Variants in NCEH1 observed in about 807,000 individuals in gnomAD.
NCEH1 encodes the protein neutral cholesterol ester hydrolase 1.
NCEH1 carries 9 observed loss-of-function variants against 25.4 expected under a neutral mutation model. The observed-to-expected ratio is 0.35, with a 90% CI of 0.21 to 0.62. The LOEUF is 0.62. Ranked by LOEUF, NCEH1 falls within the 20% of genes least tolerant of loss-of-function variation. The pLI is 0.72. For missense variants in NCEH1, 412 were observed against 501.1 expected, an observed-to-expected ratio of 0.82 and a Z score of 1.70; for synonymous variants, 200 against 199.8, an observed-to-expected ratio of 1.00 and a Z score of -0.01.
At chr3:172,698,566 A>G (rs73042879) in intron 1 of NCEH1, among the ~76,000 whole-genome samples, 2,978 of 152,290 alleles carry the variant, frequency 0.02, 91 homozygotes, top group African/African-American at 0.067. Flanking sequence ...GGGTCTCTCA[A>G]TCTCTCATGG....
At chr3:172,651,991 C>T (rs529156884) in intron 1 of NCEH1, among the ~76,000 whole-genome samples, 160 of 152,214 alleles carry the variant, frequency 1.1e-3, no homozygotes, top group African/African-American at 3.6e-3. Flanking sequence ...GAAATGAGGG[C>T]TGTATAGATA....
intron 1 of NCEH1, among the ~76,000 whole-genome samples, chr3:172,689,693 C>T (rs1712919665): frequency 6.7e-6 from 1 of 148,528 alleles, no homozygotes; most frequent in Non-Finnish European, 1.5e-5. Flanking sequence ...CCTGGAGTGA[C>T]AGCCTGGGTG....
chr3:172,662,408 G>T (rs1718011817), intron 1 of NCEH1, among the ~76,000 whole-genome samples: 1 of 152,188 alleles, frequency 6.6e-6, no homozygotes, highest in African/African-American at 2.4e-5. Flanking sequence ...ATGTTCATCA[G>T]GGACATTGGC....
intron 1 of NCEH1, among the ~76,000 whole-genome samples, chr3:172,659,308 C>T (rs1717856996): frequency 6.6e-6 from 1 of 151,998 alleles, no homozygotes; most frequent in South Asian, 2.1e-4. Flanking sequence ...GGCAGATTAA[C>T]AAGCAAGTAT....
intron 1 of NCEH1, among the ~76,000 whole-genome samples, chr3:172,690,654 T>C (rs1712982579): frequency 6.6e-6 from 1 of 152,136 alleles, no homozygotes; most frequent in African/African-American, 2.4e-5. Flanking sequence ...AACTAAACAG[T>C]CTAAATTTTT....
At chr3:172,700,753 G>A (rs894755294) in intron 1 of NCEH1, among the ~76,000 whole-genome samples, 1 of 152,030 alleles carries the variant, frequency 6.6e-6, no homozygotes, top group African/African-American at 2.4e-5. Context: ...TTACATGTGT[G>A]AGCCACCGTG....
intron 1 of NCEH1, among the ~76,000 whole-genome samples, chr3:172,663,443 T>C (rs964197577): frequency 3.3e-5 from 5 of 152,216 alleles, no homozygotes; most frequent in African/African-American, 1.2e-4. Flanking sequence ...TTCTGTTGAT[T>C]TGGGATGGAG....
chr3:172,710,961 G>GACC lies in NCEH1; in HGVS notation c.23_24insGGT (p.Leu8_Thr9insVal). 1 of 1,614,102 alleles carries GACC rather than the reference G, an allele frequency of 6.2e-7. No homozygotes were observed. ...AGGCGGCCAGCGCCACCAGGGCGGT[G>GACC]AGCAGGACACAGGACGACCTCATCT... On this transcript the variant is annotated inframe_insertion, in exon 1 of 5. Transcript: ENST00000475381.
At chr3:172,683,575 A>T (rs1455548249) in intron 1 of NCEH1, among the ~76,000 whole-genome samples, 1 of 152,160 alleles carries the variant, frequency 6.6e-6, no homozygotes, top group African/African-American at 2.4e-5. Context: ...GCTACTCAGG[A>T]GGCTGAGATG....
At chr3:172,662,126 A>G (rs564946596) in intron 1 of NCEH1, among the ~76,000 whole-genome samples, 1 of 152,218 alleles carries the variant, frequency 6.6e-6, no homozygotes, top group East Asian at 1.9e-4. Context: ...AGCTCTTATT[A>G]TTTTGAGTTA....
rs768170518 is a variant in NCEH1 at position 172,650,812 on chromosome 3, GAAAAA to G, written c.139-2703_139-2699del. Among the ~76,000 whole-genome samples the G allele has an allele frequency of 1.3e-3, 48 of 35,906 alleles. No individual in the cohort carries two copies. In the East Asian group the frequency reaches 0.031, roughly 23 times the overall value. The allele number at this position is 35,906 out of a possible 152,430, so 23.6% of individuals were successfully genotyped here. On this transcript the variant is annotated intron_variant, in intron 1 of 4. Transcript: ENST00000475381. ...GGATGACAGAGCGAGACTCTGCCTC[GAAAAA>G]AAAAAAAAAAAAAAAAAAAGGGACA... is the stretch of plus-strand genomic sequence containing the variant.
At chr3:172,635,006 A>C (rs1236544912) in intron 4 of NCEH1, among the ~76,000 whole-genome samples, 1 of 152,198 alleles carries the variant, frequency 6.6e-6, no homozygotes, top group Non-Finnish European at 1.5e-5. Context: ...ACAGCCCTGC[A>C]ATCAGATGAC....
intron 3 of NCEH1, among the ~76,000 whole-genome samples, chr3:172,637,715 C>A (rs957937309): frequency 1.3e-5 from 2 of 152,266 alleles, no homozygotes; most frequent in South Asian, 4.1e-4. Flanking sequence ...ATGGTGAAAA[C>A]CCGTTTCTAC....
intron 1 of NCEH1, among the ~76,000 whole-genome samples, chr3:172,688,077 G>C (rs1386410836): frequency 6.6e-6 from 1 of 152,042 alleles, no homozygotes; most frequent in Non-Finnish European, 1.5e-5. Context: ...GCTCACGCCT[G>C]TAAACCCAGC....
intron 1 of NCEH1, among the ~76,000 whole-genome samples, chr3:172,687,886 T>C (rs897681299): frequency 6.6e-6 from 1 of 152,216 alleles, no homozygotes; most frequent in Non-Finnish European, 1.5e-5. Context: ...CATCGTTTCA[T>C]ACAAACAATA....
At chr3:172,706,523 C>T (rs186904988) in intron 1 of NCEH1, among the ~76,000 whole-genome samples, 2 of 123,258 alleles carry the variant, frequency 1.6e-5, no homozygotes, top group African/African-American at 6.4e-5. Flanking sequence ...TTTTTTGAGA[C>T]GAAGTCTCAC....
Position 172,662,047 on chromosome 3 carries a change from A to C in NCEH1, c.139-13933T>G, listed in dbSNP as rs542764493. Among the ~76,000 whole-genome samples the C allele has an allele frequency of 9.0e-4, 137 of 152,210 alleles. 1 individual carries two copies. Among genetic ancestry groups the C allele is most frequent in the Non-Finnish European group, 1.3e-3 (90 of 68,018 alleles). On this transcript the variant is annotated intron_variant, in intron 1 of 4. Coordinates refer to ENST00000475381, the MANE Select transcript of NCEH1 (RefSeq NM_020792.6). ...GAGAGGGCATCCCTCCTCTTGTGCCAGTTTTTAAAGGGAAAGCTTCCAGTT... is the reference window on the plus strand; with the variant it reads ...GAGAGGGCATCCCTCCTCTTGTGCCCGTTTTTAAAGGGAAAGCTTCCAGTT...
chr3:172,639,629 TATATC>T (rs1716758548), intron 3 of NCEH1, among the ~76,000 whole-genome samples: 2 of 152,320 alleles, frequency 1.3e-5, no homozygotes, highest in East Asian at 1.9e-4. Flanking sequence ...TCAAAGATGT[TATATC>T]ATATTAATAT....
intron 1 of NCEH1, among the ~76,000 whole-genome samples, chr3:172,696,498 A>G (rs935392447): frequency 1.3e-5 from 2 of 152,254 alleles, no homozygotes; most frequent in South Asian, 4.1e-4. Flanking sequence ...TGATGATGAT[A>G]ACAATGAACA....
Sources: gnomAD v4.1 joint callset for allele counts (sites outside exome capture counted in the v4.1 genomes callset) on GRCh38, gnomAD v4.1.1 for gene constraint, MANE v1.5 for transcripts, NCBI Gene and HGNC (gene_info 2026-07-23, HGNC 2026-07-21) for gene names.